Variants in FAAH2 observed in about 807,000 individuals in gnomAD.
The protein encoded by FAAH2 is fatty acid amide hydrolase 2, also known as fatty-acid amide hydrolase 2.
A neutral mutation model predicts 36.9 loss-of-function variants in FAAH2; 60 were observed. The observed-to-expected ratio is 1.63, with a 90% CI of 1.32 to 2.02. FAAH2 has a LOEUF of 2.02. Ranked by LOEUF, FAAH2 falls within the 30% of genes most tolerant of loss-of-function variation. FAAH2 has a pLI of 0.00. For missense variants in FAAH2, 689 were observed against 397.5 expected, an observed-to-expected ratio of 1.73 and a Z score of -6.23; for synonymous variants, 214 against 143.8, an observed-to-expected ratio of 1.49 and a Z score of -3.49.
chrX:57,225,632 CTCTGTAGATA>C, the FAAH2 span, among the ~76,000 whole-genome samples: 2 of 111,699 alleles, frequency 1.8e-5, no homozygotes, highest in Non-Finnish European at 3.8e-5. Flanking sequence ...GGATGAAATG[CTCTGTAGATA>C]TCTGTTAAGT....
chrX:57,129,380 T>C, the FAAH2 span, among the ~76,000 whole-genome samples: 1 of 112,082 alleles, frequency 8.9e-6, no homozygotes, highest in Non-Finnish European at 1.9e-5. Context: ...AGTAGTTAAA[T>C]TAAAAATTAG....
chrX:57,380,779 A>G, intron 6 of FAAH2, 133 bp from the exon 7 acceptor site: 3 of 408,668 alleles, frequency 7.3e-6, no homozygotes, highest in Non-Finnish European at 1.3e-5. Flanking sequence ...TTCTAAAGGT[A>G]TAATACTGTT....
chrX:57,412,704 AG>A (rs1306484249), intron 7 of FAAH2, among the ~76,000 whole-genome samples: 2 of 112,022 alleles, frequency 1.8e-5, no homozygotes, highest in Non-Finnish European at 3.8e-5. Flanking sequence ...GTGTCTTTAT[AG>A]TAGAATAATC....
chrX:57,443,840 C>A lies in FAAH2; in HGVS notation c.1117-3088C>A, dbSNP rs907036669. ...TTAGTTTTCCTTCTAACAGTCAGGACCCTCAGTTGCAGGTCTGTTGGAGTT... is the reference window on the plus strand; with the variant it reads ...TTAGTTTTCCTTCTAACAGTCAGGAACCTCAGTTGCAGGTCTGTTGGAGTT... On this transcript the variant is annotated intron_variant, in intron 8 of 10. Transcript: ENST00000374900. Among the ~76,000 whole-genome samples, 38 of 112,256 alleles carry A rather than the reference C, an allele frequency of 3.4e-4. 1 individual carries two copies. The highest frequency in any genetic ancestry group is 3.6e-4 in the Non-Finnish European group (19 of 53,276).
chrX:57,151,071 G>T, the FAAH2 span, among the ~76,000 whole-genome samples: 2 of 112,170 alleles, frequency 1.8e-5, no homozygotes, highest in African/African-American at 6.5e-5. Flanking sequence ...TTTTCTTTAA[G>T]AATGTTGAAT....
chrX:57,125,734 A>G, the FAAH2 span, among the ~76,000 whole-genome samples: 3 of 111,975 alleles, frequency 2.7e-5, no homozygotes, highest in Non-Finnish European at 5.6e-5. Flanking sequence ...AGTTGTTTTG[A>G]ATTGTTTAGT....
At chrX:57,456,205 C>CA (rs1368386167) in intron 10 of FAAH2, among the ~76,000 whole-genome samples, 1 of 111,120 alleles carries the variant, frequency 9.0e-6, no homozygotes, top group Non-Finnish European at 1.9e-5. Context: ...AACTCTTGGG[C>CA]AAAAAACAAA....
intron 5 of FAAH2, among the ~76,000 whole-genome samples, chrX:57,349,068 T>A (rs1490689934): frequency 2.1e-5 from 2 of 97,064 alleles, no homozygotes; most frequent in African/African-American, 7.4e-5. Flanking sequence ...AATATATATA[T>A]ATATTATATA....
the FAAH2 span, among the ~76,000 whole-genome samples, chrX:57,280,669 A>T: frequency 9.0e-6 from 1 of 111,219 alleles, no homozygotes; most frequent in Admixed American, 9.6e-5. Context: ...AAAAACACTA[A>T]AAATGCATCT....
intron 4 of FAAH2, among the ~76,000 whole-genome samples, chrX:57,337,115 A>C (rs924168853): frequency 9.0e-6 from 1 of 110,967 alleles, no homozygotes; most frequent in African/African-American, 3.3e-5. Context: ...TACTATATAC[A>C]CCTGTATGGA....
At chrX:57,169,607 A>C in the FAAH2 span, among the ~76,000 whole-genome samples, 1 of 76,650 alleles carries the variant, frequency 1.3e-5, no homozygotes, top group Non-Finnish European at 2.6e-5. Flanking sequence ...CTAAAATATA[A>C]ATCAGTAGAT....
At chrX:57,268,166 T>C in the FAAH2 span, among the ~76,000 whole-genome samples, 2 of 111,831 alleles carry the variant, frequency 1.8e-5, no homozygotes, top group Non-Finnish European at 3.8e-5. Flanking sequence ...ACCAACCTGA[T>C]AGAGCTGAAA....
intron 2 of FAAH2, among the ~76,000 whole-genome samples, chrX:57,299,258 T>C (rs2052253677): frequency 8.9e-6 from 1 of 112,032 alleles, no homozygotes; most frequent in African/African-American, 3.2e-5. Context: ...TTATCCACCA[T>C]GATCAAGTGG....
intron 7 of FAAH2, among the ~76,000 whole-genome samples, chrX:57,383,105 G>A (rs896954249): frequency 1.8e-5 from 2 of 111,479 alleles, no homozygotes; most frequent in Non-Finnish European, 3.8e-5. Flanking sequence ...ATGCAGAAAA[G>A]GCCTTTGACA....
chrX:57,146,707 TA>T, the FAAH2 span, among the ~76,000 whole-genome samples: 2 of 112,350 alleles, frequency 1.8e-5, no homozygotes, highest in African/African-American at 6.4e-5. Context: ...GTGTTTGCCA[TA>T]GATGGCTTTT....
intron 7 of FAAH2, among the ~76,000 whole-genome samples, chrX:57,398,942 C>T (rs1012537327): frequency 2.2e-4 from 24 of 111,184 alleles, no homozygotes; most frequent in Non-Finnish European, 3.8e-4. Flanking sequence ...CTGATGATCG[C>T]TCTAATTGCT....
chrX:57,373,336 A>G (rs1471181561), intron 5 of FAAH2, among the ~76,000 whole-genome samples: 2 of 110,074 alleles, frequency 1.8e-5, no homozygotes, highest in Non-Finnish European at 3.8e-5. Context: ...ACTAGTTTAC[A>G]CTCCCATCAG....
chrX:57,381,383 G>C (rs1569305783), intron 7 of FAAH2, among the ~76,000 whole-genome samples: 1 of 111,431 alleles, frequency 9.0e-6, no homozygotes, highest in South Asian at 3.7e-4. Flanking sequence ...AATCATTTTA[G>C]CCTGAGCTTT....
chrX:57,286,608 T>C, upstream of FAAH2: 1 of 318,344 alleles, frequency 3.1e-6, no homozygotes, highest in Non-Finnish European at 5.5e-6. Context: ...TAACGACAGG[T>C]AGCATTGCAC....
Sources: allele counts gnomAD v4.1 joint callset (sites outside exome capture counted in the v4.1 genomes callset), GRCh38; gene constraint gnomAD v4.1.1; transcripts MANE v1.5; gene names NCBI Gene and HGNC (gene_info 2026-07-23, HGNC 2026-07-21).